KLHL13: variants seen among roughly 807,000 people sequenced by gnomAD.
KLHL13 encodes the protein kelch like family member 13, also known as kelch-like protein 13.
In KLHL13, 10 loss-of-function variants were observed where a neutral mutation model predicts 37.1. The ratio of observed to expected loss-of-function variants is 0.27; its 90% CI spans 0.17 to 0.46. The LOEUF is 0.46. Among genes scored for constraint, KLHL13 ranks in the 20% least tolerant of loss-of-function variants. The pLI, the probability that KLHL13 is intolerant of heterozygous loss-of-function variation, is 1.00. For synonymous variants in KLHL13, 163 were observed against 181.2 expected, an observed-to-expected ratio of 0.90 and a Z score of 0.81; for missense variants, 360 against 509.3, an observed-to-expected ratio of 0.71 and a Z score of 2.82.
At chrX:117,916,090 G>A (rs968161812) in intron 4 of KLHL13, among the ~76,000 whole-genome samples, 4 of 111,065 alleles carry the variant, frequency 3.6e-5, no homozygotes, top group African/African-American at 1.3e-4. Flanking sequence ...CCTGGGAGGC[G>A]GAGGTTGCGA....
intron 1 of KLHL13, among the ~76,000 whole-genome samples, chrX:117,989,840 T>A (rs1342142663): frequency 6.3e-5 from 7 of 111,323 alleles, no homozygotes; most frequent in African/African-American, 2.0e-4. Flanking sequence ...AGGTAATGGG[T>A]TTGCTATCCT....
chrX:117,987,573 C>G (rs113044518), intron 1 of KLHL13, among the ~76,000 whole-genome samples: 1 of 111,713 alleles, frequency 9.0e-6, no homozygotes, highest in Non-Finnish European at 1.9e-5. Context: ...GATTTTGGCA[C>G]TTAACATTCA....
At chrX:117,921,792 A>G (rs1427262088) in intron 2 of KLHL13, among the ~76,000 whole-genome samples, 1 of 112,435 alleles carries the variant, frequency 8.9e-6, no homozygotes, top group East Asian at 2.8e-4. Context: ...TTTAAAGAAA[A>G]TGCTTGAATT....
chrX:117,948,978 A>G (rs992737270), intron 1 of KLHL13, among the ~76,000 whole-genome samples: 1 of 112,196 alleles, frequency 8.9e-6, no homozygotes, highest in African/African-American at 3.2e-5. Flanking sequence ...AGCCTAAGCC[A>G]TTGTCATATG....
intron 1 of KLHL13, among the ~76,000 whole-genome samples, chrX:118,070,235 G>A (rs2054843415): frequency 8.9e-6 from 1 of 112,062 alleles, no homozygotes; most frequent in Non-Finnish European, 1.9e-5. Flanking sequence ...TGAAGGCTGT[G>A]TAAGCATTTA....
At chrX:118,034,506 A>C (rs1416899694) in intron 1 of KLHL13, among the ~76,000 whole-genome samples, 2 of 97,281 alleles carry the variant, frequency 2.1e-5, no homozygotes, top group Non-Finnish European at 2.0e-5. Context: ...GTACATAATG[A>C]AATGAAGGCA....
At chrX:117,951,774 G>A (rs1367320345) in intron 1 of KLHL13, among the ~76,000 whole-genome samples, 1 of 112,391 alleles carries the variant, frequency 8.9e-6, no homozygotes, top group Non-Finnish European at 1.9e-5. Flanking sequence ...AGCACCTGCT[G>A]TGTACTAAGC....
chrX:118,094,022 A>G (rs891309941), intron 1 of KLHL13, among the ~76,000 whole-genome samples: 1 of 109,973 alleles, frequency 9.1e-6, no homozygotes, highest in Non-Finnish European at 1.9e-5. Flanking sequence ...ACAAAGCTGG[A>G]CAGAGAATGA....
At chrX:118,058,071 C>T (rs1429472059) in intron 1 of KLHL13, among the ~76,000 whole-genome samples, 2 of 110,877 alleles carry the variant, frequency 1.8e-5, no homozygotes, top group African/African-American at 6.6e-5. Flanking sequence ...TCAAAATAGC[C>T]AGAAGTGATG....
At chrX:117,915,149 CA>C (rs1931259750) in intron 4 of KLHL13, among the ~76,000 whole-genome samples, 1 of 109,592 alleles carries the variant, frequency 9.1e-6, no homozygotes, top group Admixed American at 9.7e-5. Context: ...AAATTGCCCT[CA>C]AAAGTGAAAA....
intron 1 of KLHL13, chrX:117,972,640 T>C: frequency 1.4e-6 from 1 of 707,464 alleles, no homozygotes; most frequent in Non-Finnish European, 2.2e-6. Context: ...TTTTTGGATG[T>C]TGCTGTTTGG....
chrX:117,975,782 C>G (rs1022212470), upstream of KLHL13, among the ~76,000 whole-genome samples: 14 of 112,056 alleles, frequency 1.2e-4, no homozygotes, highest in African/African-American at 3.6e-4. Context: ...ATGAAGACTT[C>G]TCAAACATTG....
intron 1 of KLHL13, among the ~76,000 whole-genome samples, chrX:118,098,546 A>C (rs1041591340): frequency 6.2e-4 from 69 of 110,493 alleles, no homozygotes; most frequent in Non-Finnish European, 9.1e-4. Context: ...AACTAGAAAT[A>C]CCATTTGACC....
intron 1 of KLHL13, among the ~76,000 whole-genome samples, chrX:118,065,781 A>G (rs2054787886): frequency 8.9e-6 from 1 of 111,872 alleles, no homozygotes. Context: ...ACATAGAAGT[A>G]AAAGAAACTC....
At chrX:118,069,895 A>C (rs2054839364) in intron 1 of KLHL13, among the ~76,000 whole-genome samples, 1 of 112,470 alleles carries the variant, frequency 8.9e-6, no homozygotes, top group African/African-American at 3.2e-5. Context: ...ACCCATAACA[A>C]CTTTCAGTCC....
chrX:118,087,898 T>G (rs920765995), intron 1 of KLHL13, among the ~76,000 whole-genome samples: 15 of 111,736 alleles, frequency 1.3e-4, no homozygotes, highest in African/African-American at 4.9e-4. Context: ...TTCCCAGGTC[T>G]CTTAACATTA....
chrX:117,916,766 A>G (rs1022208233), intron 4 of KLHL13, among the ~76,000 whole-genome samples: 7 of 112,333 alleles, frequency 6.2e-5, no homozygotes. Flanking sequence ...TTCTGTCTAA[A>G]AGTTCAAACC....
intron 1 of KLHL13, among the ~76,000 whole-genome samples, chrX:117,964,526 T>C (rs975439854): frequency 1.8e-5 from 2 of 112,376 alleles, no homozygotes; most frequent in East Asian, 2.8e-4. Flanking sequence ...TGGCACATAA[T>C]AGACAGTTGA....
chrX:118,007,735 C>G (rs1471382364), intron 1 of KLHL13, among the ~76,000 whole-genome samples: 2 of 111,032 alleles, frequency 1.8e-5, no homozygotes, highest in African/African-American at 6.6e-5. Context: ...TACAGAGGGC[C>G]TCAGGAAGGG....
Sources: gnomAD v4.1 joint callset for allele counts (sites outside exome capture counted in the v4.1 genomes callset) on GRCh38, gnomAD v4.1.1 for gene constraint, MANE v1.5 for transcripts, NCBI Gene and HGNC (gene_info 2026-07-23, HGNC 2026-07-21) for gene names.